IGSF11: variants seen among roughly 807,000 people sequenced by gnomAD.
IGSF11 encodes immunoglobulin superfamily member 11.
IGSF11 carries 22 observed loss-of-function variants against 41.0 expected under a neutral mutation model. The ratio of observed to expected loss-of-function variants is 0.54; its 90% confidence interval spans 0.38 to 0.77. IGSF11 has a LOEUF of 0.77. Ranked by LOEUF, IGSF11 falls within the 30% of genes least tolerant of loss-of-function variation. The probability of loss-of-function intolerance (pLI) is 0.00; values close to 1 mark genes in which losing one functional copy is unlikely to be tolerated. For synonymous variants in IGSF11, 219 were observed against 201.3 expected (o/e 1.09, Z -0.74); for missense variants, 444 against 530.8 (o/e 0.84, Z 1.61).
chr3:118,974,389 T>A (rs930889786), intron 1 of IGSF11, among the ~76,000 whole-genome samples: 1 of 152,220 alleles, frequency 6.6e-6, no homozygotes, highest in African/African-American at 2.4e-5. Context: ...AACGGTTCAG[T>A]ATTAGCAATG....
At chr3:118,958,972 C>A (rs967514597) in intron 1 of IGSF11, among the ~76,000 whole-genome samples, 4 of 152,122 alleles carry the variant, frequency 2.6e-5, no homozygotes, top group African/African-American at 7.2e-5. Context: ...TGCAGACTCC[C>A]CCTATTTCCT....
At chr3:119,100,290 AT>A (rs1559866995) in intron 1 of IGSF11, among the ~76,000 whole-genome samples, 1 of 152,238 alleles carries the variant, frequency 6.6e-6, no homozygotes, top group African/African-American at 2.4e-5. Flanking sequence ...AACAATGGCA[AT>A]AGAGAAAAAG....
At chr3:119,003,375 T>A (rs1367903010) in intron 1 of IGSF11, among the ~76,000 whole-genome samples, 1 of 149,530 alleles carries the variant, frequency 6.7e-6, no homozygotes, top group African/African-American at 2.5e-5. Context: ...GATTTTGGGC[T>A]GAGACGATGG....
intron 1 of IGSF11, among the ~76,000 whole-genome samples, chr3:118,944,688 G>A (rs1462321931): frequency 2.0e-5 from 3 of 151,948 alleles, no homozygotes; most frequent in Non-Finnish European, 4.4e-5. Flanking sequence ...CTATATGCTC[G>A]GGTCTCAGCA....
intron 4 of IGSF11, among the ~76,000 whole-genome samples, chr3:118,924,957 C>A (rs1053475119): frequency 2.0e-5 from 3 of 152,118 alleles, no homozygotes; most frequent in African/African-American, 7.2e-5. Context: ...AATCATGTCA[C>A]TTACAATGGT....
chr3:119,093,491 C>T (rs1221294637), intron 1 of IGSF11, among the ~76,000 whole-genome samples: 1 of 152,038 alleles, frequency 6.6e-6, no homozygotes, highest in African/African-American at 2.4e-5. Flanking sequence ...ATGCCTGTAC[C>T]CAGCCACATT....
chr3:119,013,417 T>C (rs147386581), intron 1 of IGSF11, among the ~76,000 whole-genome samples: 1 of 152,374 alleles, frequency 6.6e-6, no homozygotes, highest in East Asian at 1.9e-4. Flanking sequence ...TGTTTGGTTA[T>C]TGCTTTTTTA....
chr3:118,939,796 G>C (rs908241689), intron 1 of IGSF11, among the ~76,000 whole-genome samples: 1 of 151,998 alleles, frequency 6.6e-6, no homozygotes, highest in Non-Finnish European at 1.5e-5. Flanking sequence ...TCCACCTTAA[G>C]AAACTTTTTA....
At chr3:118,938,989 T>C (rs1407685560) in intron 1 of IGSF11, among the ~76,000 whole-genome samples, 3 of 152,200 alleles carry the variant, frequency 2.0e-5, no homozygotes, top group Non-Finnish European at 4.4e-5. Flanking sequence ...GCAATTATGG[T>C]TGGTGACTGC....
chr3:118,930,067 A>C, intron 2 of IGSF11, 45 bp downstream of exon 2: 1 of 1,568,252 alleles, frequency 6.4e-7, no homozygotes, highest in Non-Finnish European at 8.7e-7. Context: ...ACCTCCTCTG[A>C]AAAGATTAAC....
At chr3:118,979,507 C>T (rs922020643) in intron 1 of IGSF11, among the ~76,000 whole-genome samples, 4 of 152,056 alleles carry the variant, frequency 2.6e-5, no homozygotes, top group Middle Eastern at 3.2e-3. Flanking sequence ...AACACTATCT[C>T]TCACCATATA....
chr3:118,926,020 A>T, intron 4 of IGSF11, 81 bp downstream of exon 4: 1 of 1,099,614 alleles, frequency 9.1e-7, no homozygotes, highest in Non-Finnish European at 1.2e-6. Flanking sequence ...ATTTTTCAAA[A>T]CCTATTAAAG....
At chr3:118,906,801 G>T (rs1251323026) in intron 4 of IGSF11, among the ~76,000 whole-genome samples, 1 of 152,112 alleles carries the variant, frequency 6.6e-6, no homozygotes, top group East Asian at 1.9e-4. Context: ...CAGGCATTGG[G>T]TAAGCTTTTA....
chr3:119,112,034 G>C (rs1040702723), intron 1 of IGSF11, among the ~76,000 whole-genome samples: 2 of 152,196 alleles, frequency 1.3e-5, no homozygotes, highest in African/African-American at 2.4e-5. Context: ...GCTGCTCGGG[G>C]GTCAGGGGTC....
In IGSF11 at chr3:118,997,737, C is replaced by T. The variant is rs746274726; in HGVS notation, c.52+36794G>A. Among the ~76,000 whole-genome samples the T allele has an allele frequency of 3.3e-5, 5 of 152,210 alleles. No individual in the cohort carries two copies. In the East Asian group the frequency reaches 9.6e-4, roughly 29 times the overall value. ...GTTTAGAGAACATATGCAAAAGTTA[C>T]CTTCATTCCTCTCTTCTACTGACCC... On this transcript the variant is annotated intron_variant, in intron 1 of 6. Transcript: ENST00000393775.
upstream of IGSF11, chr3:119,034,948 T>A: frequency 1.6e-6 from 1 of 644,638 alleles, no homozygotes; most frequent in Non-Finnish European, 2.0e-6. Context: ...TCGCCCCGCT[T>A]GGTCTCCAGG....
chr3:119,008,555 T>G (rs1207476126), intron 1 of IGSF11, among the ~76,000 whole-genome samples: 2 of 152,170 alleles, frequency 1.3e-5, no homozygotes, highest in Non-Finnish European at 2.9e-5. Context: ...CAATCAACAG[T>G]GCTAAAAGCT....
chr3:118,950,569 T>C (rs1198472340), intron 1 of IGSF11, among the ~76,000 whole-genome samples: 1 of 152,046 alleles, frequency 6.6e-6, no homozygotes, highest in Admixed American at 6.5e-5. Context: ...CAAACATATA[T>C]ATACCCCAAC....
At chr3:118,904,854 T>C (rs1939381181) in intron 5 of IGSF11, 56 bp from the exon 6 acceptor site, 1 of 1,414,720 alleles carries the variant, frequency 7.1e-7, no homozygotes. Context: ...AAATAGCATA[T>C]ACCCATGCAA....
Sources: allele counts gnomAD v4.1 joint callset (sites outside exome capture counted in the v4.1 genomes callset), GRCh38; gene constraint gnomAD v4.1.1; transcripts MANE v1.5; gene names NCBI Gene and HGNC (gene_info 2026-07-23, HGNC 2026-07-21).